Variants in ADAMTSL3 observed in about 807,000 individuals in gnomAD.
The protein encoded by ADAMTSL3 is ADAMTS-like protein 3.
Under a neutral mutation model 201.7 loss-of-function variants are expected in ADAMTSL3, and 128 were observed. The ratio of observed to expected loss-of-function variants is 0.63; its 90% CI spans 0.55 to 0.73. The LOEUF is 0.73. Ranked by LOEUF, ADAMTSL3 falls within the 30% of genes least tolerant of loss-of-function variation. The pLI is 0.00. For missense variants in ADAMTSL3, 1,990 were observed against 2,119.6 expected (o/e 0.94, Z 1.20); for synonymous variants, 738 against 748.4 (o/e 0.99, Z 0.23).
At chr15:83,875,707 C>T (rs958435649) in intron 9 of ADAMTSL3, among the ~76,000 whole-genome samples, 8 of 152,054 alleles carry the variant, frequency 5.3e-5, no homozygotes, top group African/African-American at 1.7e-4. Context: ...CACTTGAACC[C>T]GGGAAGTGGA....
intron 9 of ADAMTSL3, among the ~76,000 whole-genome samples, chr15:83,881,362 C>A (rs116345067): frequency 6.6e-6 from 1 of 152,320 alleles, no homozygotes; most frequent in Non-Finnish European, 1.5e-5. Context: ...CTTTCCACTA[C>A]GTGAGGCTGA....
At chr15:83,718,860 A>G (rs1404504466) in intron 3 of ADAMTSL3, among the ~76,000 whole-genome samples, 2 of 152,208 alleles carry the variant, frequency 1.3e-5, no homozygotes, top group Non-Finnish European at 2.9e-5. Flanking sequence ...TTGAAAACAA[A>G]TAGAAGGAAA....
chr15:83,866,708 A>G (rs1032010947), intron 8 of ADAMTSL3, among the ~76,000 whole-genome samples: 3 of 152,218 alleles, frequency 2.0e-5, no homozygotes, highest in Non-Finnish European at 2.9e-5. Flanking sequence ...ATGTATACAT[A>G]TGTAACTAAC....
chr15:83,671,564 G>A (rs1199613783), intron 2 of ADAMTSL3, among the ~76,000 whole-genome samples: 1 of 152,084 alleles, frequency 6.6e-6, no homozygotes, highest in African/African-American at 2.4e-5. Context: ...ATGTTGTAAG[G>A]TGCTCAATTT....
intron 23 of ADAMTSL3, among the ~76,000 whole-genome samples, chr15:84,004,278 G>T (rs12911536): frequency 0.16 from 24,566 of 152,182 alleles, 2,593 homozygotes; most frequent in Middle Eastern, 0.34. Context: ...CCTGCCCTGA[G>T]AGATTCTGAT....
chr15:83,862,094 A>G (rs1274616881), intron 8 of ADAMTSL3: 1 of 152,214 alleles, frequency 6.6e-6, no homozygotes, highest in South Asian at 2.1e-4. Flanking sequence ...AAATGGACAA[A>G]GCATCCAAGA....
At chr15:83,805,377 G>A (rs1453202329) in intron 5 of ADAMTSL3, among the ~76,000 whole-genome samples, 1 of 152,064 alleles carries the variant, frequency 6.6e-6, no homozygotes, top group Non-Finnish European at 1.5e-5. Context: ...GGCCAATGTG[G>A]TGAAATCCCA....
rs144659875 is a variant in ADAMTSL3, at chr15:83,929,783, G to GAC, written c.2117+5769_2117+5770dup. Among the ~76,000 whole-genome samples the GAC allele has an allele frequency of 5.4e-3, 799 of 148,004 alleles. 1 individual carries two copies. The highest frequency in any genetic ancestry group is 8.1e-3 in the Non-Finnish European group (539 of 66,520). On this transcript the variant is annotated intron_variant, in intron 17 of 29. Coordinates refer to ENST00000286744, the MANE Select transcript of ADAMTSL3 (RefSeq NM_207517.3). ...AGAGAGAGACAGAGAGACAGAGACA[G>GAC]ACACACACACACACACACACTCAGA...
intron 20 of ADAMTSL3, 45 bp downstream of exon 20, chr15:83,970,682 T>A (rs769580641): frequency 1.2e-6 from 2 of 1,603,520 alleles, no homozygotes; most frequent in Non-Finnish European, 1.7e-6. Context: ...GCTGATTCTG[T>A]TCATTTTGTC....
chr15:83,871,057 GT>G (rs765977100), intron 9 of ADAMTSL3, 98 bp downstream of exon 9: 172 of 1,378,176 alleles, frequency 1.2e-4, no homozygotes, highest in Non-Finnish European at 1.7e-4. Context: ...ATCAATCATT[GT>G]TTTTTATACA....
chr15:83,868,810 G>A (rs1290334720), intron 8 of ADAMTSL3, among the ~76,000 whole-genome samples: 1 of 152,174 alleles, frequency 6.6e-6, no homozygotes, highest in Non-Finnish European at 1.5e-5. Flanking sequence ...CCATGTCACT[G>A]AGACTCTTAG....
chr15:83,670,295 G>GA (rs2061314854), intron 2 of ADAMTSL3, among the ~76,000 whole-genome samples: 1 of 118,142 alleles, frequency 8.5e-6, no homozygotes. Context: ...AACAGAAAAA[G>GA]AAAGATGTTC....
chr15:83,782,370 A>C (rs893474650), intron 4 of ADAMTSL3, among the ~76,000 whole-genome samples: 3 of 152,176 alleles, frequency 2.0e-5, no homozygotes, highest in Admixed American at 1.3e-4. Context: ...CCAGCTACTC[A>C]GGAGGCTCAA....
Position 83,920,484 on chromosome 15 carries a change from A to G in ADAMTSL3, c.1988-3420A>G, listed in dbSNP as rs139817165. Among the ~76,000 whole-genome samples, 24 of 152,316 alleles carry G rather than the reference A, an allele frequency of 1.6e-4. No homozygotes were observed. In the East Asian group the frequency reaches 4.2e-3, roughly 27 times the overall value. On this transcript the variant is annotated intron_variant, in intron 16 of 29. Transcript: ENST00000286744. ...TACAAAACTTGCATTTTAACACCAA[A>G]CAGGATACCTTTGGATCCATAAAAT...
chr15:83,748,649 CAAAAA>C (rs71156097), intron 3 of ADAMTSL3, among the ~76,000 whole-genome samples: 4 of 70,512 alleles, frequency 5.7e-5, no homozygotes, highest in Non-Finnish European at 7.8e-5. Flanking sequence ...GACCCTGTCT[CAAAAA>C]AAAAAAAAAA....
chr15:84,014,606 G>A lies in ADAMTSL3; in HGVS notation c.4038G>A (p.Leu1346=). The A allele has an allele frequency of 6.2e-7, 1 of 1,614,010 alleles. No homozygotes were observed. The highest frequency in any genetic ancestry group is 8.5e-7 in the Non-Finnish European group (1 of 1,179,966). The change falls in exon 24 of 30, where the codon TTG becomes TTA. Residue 1346 remains leucine (L), a synonymous_variant. Transcript: ENST00000286744. ...RGGSLSGNVS[L]LFNGSLLLQN... is the part of the protein sequence containing the mutation. ...GATCTCTGAGTGGCAATGTTTCCTT[G>A]CTTTTCAATGGATCCCTGTTGTTGC... is the stretch of plus-strand genomic sequence containing the variant.
In ADAMTSL3 at chr15:84,038,597, T is replaced by C. The variant is rs568659507; in HGVS notation, c.*791T>C. 1 of 152,760 alleles carries C rather than the reference T, an allele frequency of 6.5e-6. No homozygotes were observed. The highest frequency in any genetic ancestry group is 1.5e-5 in the Non-Finnish European group (1 of 68,032). The allele number at this position is 152,760 out of a possible 1,614,324, so 9.5% of individuals were successfully genotyped here. A position where few individuals can be genotyped will look rare whatever the true frequency, so the allele number is the denominator to read the frequency against. On this transcript the variant is annotated 3_prime_UTR_variant, in exon 30 of 30. Transcript: ENST00000286744. ...GAAACTTTTTCTAAGCACTATTCTA[T>C]TGCACACAAACAGAAAACCAAAGCC... is the stretch of plus-strand genomic sequence containing the variant.
intron 2 of ADAMTSL3, among the ~76,000 whole-genome samples, chr15:83,681,477 T>C (rs1313457773): frequency 6.6e-6 from 1 of 152,212 alleles, no homozygotes; most frequent in East Asian, 1.9e-4. Flanking sequence ...CTACCATAGA[T>C]CCACCGTTGT....
chr15:83,743,223 T>G (rs533241836), intron 3 of ADAMTSL3, among the ~76,000 whole-genome samples: 172 of 152,328 alleles, frequency 1.1e-3, no homozygotes, highest in African/African-American at 4.0e-3. Flanking sequence ...TAACATTTAC[T>G]TTTTCTGATT....
Sources: gnomAD v4.1 joint callset for allele counts (sites outside exome capture counted in the v4.1 genomes callset) on GRCh38, gnomAD v4.1.1 for gene constraint, MANE v1.5 for transcripts, NCBI Gene and HGNC (gene_info 2026-07-23, HGNC 2026-07-21) for gene names.